Variants in TRIM64C observed in about 807,000 individuals in gnomAD.
The protein encoded by TRIM64C is tripartite motif-containing protein 64C.
Under a neutral mutation model 36.1 loss-of-function variants are expected in TRIM64C, and 25 were observed. The ratio of observed to expected loss-of-function variants is 0.69; its 90% CI spans 0.51 to 0.97. The LOEUF (loss-of-function observed/expected upper bound fraction) is 0.97, where lower values mean the gene tolerates loss of function less well. Among genes scored for constraint, TRIM64C ranks in the 50% least tolerant of loss-of-function variants. TRIM64C has a pLI of 0.00. For synonymous variants in TRIM64C, 212 were observed against 185.7 expected, an observed-to-expected ratio of 1.14 and a Z score of -1.15; for missense variants, 489 against 536.8, an observed-to-expected ratio of 0.91 and a Z score of 0.88.
Position 49,058,184 on chromosome 11 carries a change from A to G in TRIM64C, c.413-12T>C. On this transcript the variant is annotated splice_polypyrimidine_tract_variant and intron_variant, in intron 1 of 5. Coordinates refer to ENST00000617704, the MANE Select transcript of TRIM64C (RefSeq NM_001206631.1). ...CTTTATAAGTTTCTCTTGCAAAAGAAGCAAGAAGCTTAGCAATGATGAAGA... is the reference window on the plus strand; with the variant it reads ...CTTTATAAGTTTCTCTTGCAAAAGAGGCAAGAAGCTTAGCAATGATGAAGA... 1.4e-6 allele frequency: 2 copies of G among 1,478,344 alleles called. No individual in the cohort carries two copies. Among genetic ancestry groups the G allele is most frequent in the Non-Finnish European group, 1.8e-6 (2 of 1,099,760 alleles). 91.6% of individuals were successfully genotyped at this position (1,478,344 alleles called of 1,614,324 possible). A position where few individuals can be genotyped will look rare whatever the true frequency, so the allele number is the denominator to read the frequency against.
chr11:49,055,847 G>A (rs1030256545), intron 4 of TRIM64C, among the ~76,000 whole-genome samples: 6 of 152,160 alleles, frequency 3.9e-5, no homozygotes, highest in Non-Finnish European at 8.8e-5. Context: ...AAACAAAGGA[G>A]TCTAATTCCA....
At position 49,054,137 on chromosome 11, in the gene TRIM64C, T is replaced by C. The variant is rs550866886; in HGVS notation, c.930A>G (p.Ile310Met). The C allele has an allele frequency of 2.6e-6, 4 of 1,551,552 alleles. No individual in the cohort carries two copies. Among genetic ancestry groups the C allele is most frequent in the Non-Finnish European group, 3.5e-6 (4 of 1,146,842 alleles). Residue 310 changes from isoleucine to methionine, a missense_variant, in exon 6 of 6, where the codon ATA becomes ATG. Physicochemically the swap from Ile to Met is conservative, Grantham distance 10 (BLOSUM62 1). Coordinates refer to ENST00000617704, the MANE Select transcript of TRIM64C (RefSeq NM_001206631.1). ...GTGCACTGCGATGGTCATCTCCAAA[T>C]ATCACACGTCTCACATCCTCAGAAA... ...ISLSEDVRRVIFGDDHRSAPM... is the reference protein window; with the variant it reads ...ISLSEDVRRVMFGDDHRSAPM...
intron 1 of TRIM64C, 54 bp downstream of exon 1, chr11:49,058,647 C>G (rs1854842814): frequency 6.5e-7 from 1 of 1,534,276 alleles, no homozygotes; most frequent in African/African-American, 1.4e-5. Context: ...ATCACAGGCC[C>G]TCATCATTCT....
Position 49,056,301 on chromosome 11 carries a change from C to T in TRIM64C, c.761+58G>A, listed in dbSNP as rs1854813121. Reference sequence around the variant, plus strand: ...TTAGTACTCAAAATGTATACATCCCCTTCATTCACAAGAGAACAAATTTTT... The same window carrying T: ...TTAGTACTCAAAATGTATACATCCCTTTCATTCACAAGAGAACAAATTTTT... On this transcript the variant is annotated intron_variant, in intron 4 of 5. Coordinates refer to ENST00000617704, the MANE Select transcript of TRIM64C (RefSeq NM_001206631.1). 4 of 1,350,680 alleles carry T rather than the reference C, an allele frequency of 3.0e-6. No individual in the cohort carries two copies. The South Asian group carries it at 3.8e-5, about 13-fold the overall frequency. 83.7% of individuals were successfully genotyped at this position (1,350,680 alleles called of 1,614,324 possible).
Position 49,058,947 on chromosome 11 carries a change from T to G in TRIM64C, c.166A>C (p.Arg56=). Residue 56 remains arginine (R), a synonymous_variant, in exon 1 of 6, where the codon AGA becomes CGA. Transcript: ENST00000617704. ...AAGTTGGGCTTCTCTGAGATTTTTC[T>G]GCACAAAGGGCAGCGCATTGGTGCT... ...GRAPMRCPLC[R]KISEKPNFNT... 6.4e-7 allele frequency: 1 copy of G among 1,551,434 alleles called. No individual in the cohort carries two copies. Among genetic ancestry groups the G allele is most frequent in the Non-Finnish European group, 8.7e-7 (1 of 1,146,924 alleles).
intron 4 of TRIM64C, among the ~76,000 whole-genome samples, chr11:49,055,895 A>G (rs1260873180): frequency 5.9e-5 from 9 of 152,012 alleles, no homozygotes; most frequent in African/African-American, 2.2e-4. Flanking sequence ...CGAGGCAACC[A>G]TTTTCCTGAG....
chr11:49,058,278 T>A, intron 1 of TRIM64C, 106 bp from the exon 2 acceptor site: 1 of 820,800 alleles, frequency 1.2e-6, no homozygotes, highest in Non-Finnish European at 1.8e-6. Context: ...TAAGTTAGAG[T>A]GGAGTGGTCA....
In TRIM64C at chr11:49,054,222, AT is replaced by A; in HGVS notation, c.860-16del. The stretch of plus-strand genomic sequence containing the variant: ...AGCATTATCCACTGACAAGGAAAAA[AT>A]ATTATATTAGTGAGTGCTATGAGGG... On this transcript the variant is annotated splice_polypyrimidine_tract_variant and intron_variant, in intron 5 of 5. Transcript: ENST00000617704. The A allele has an allele frequency of 6.5e-7, 1 of 1,549,414 alleles. No homozygotes were observed. The highest frequency in any genetic ancestry group is 8.7e-7 in the Non-Finnish European group (1 of 1,145,748).
chr11:49,053,965 T>C lies in TRIM64C; in HGVS notation c.1102A>G (p.Ile368Val). ...AATGTTTTGTCAGAATCAATAACTA[T>C]ATTGGTATCTGCTGTCCTAGAATCT... is the stretch of plus-strand genomic sequence containing the variant. Reference protein sequence around the residue: ...CRDSRTADTNIVIDSDKTFFS... With the variant: ...CRDSRTADTNVVIDSDKTFFS... Residue 368 changes from isoleucine (I) to valine (V), a missense_variant, in exon 6 of 6, where the codon ATA becomes GTA. Coordinates refer to ENST00000617704, the MANE Select transcript of TRIM64C (RefSeq NM_001206631.1). 6.4e-7 allele frequency: 1 copy of C among 1,551,624 alleles called. No homozygotes were observed. Among genetic ancestry groups the C allele is most frequent in the Non-Finnish European group, 8.7e-7 (1 of 1,146,852 alleles).
At position 49,058,949 on chromosome 11, in the gene TRIM64C, C is replaced by A. The variant is rs1396799312; in HGVS notation, c.164G>T (p.Cys55Phe). The A allele has an allele frequency of 6.4e-7, 1 of 1,551,296 alleles. No homozygotes were observed. The highest frequency in any genetic ancestry group is 1.2e-5 in the South Asian group (1 of 84,050). ...EGRAPMRCPL[C>F]RKISEKPNFN... ...GTTGGGCTTCTCTGAGATTTTTCTG[C>A]ACAAAGGGCAGCGCATTGGTGCTCT... The change falls in exon 1 of 6, where the codon TGC becomes TTC. Residue 55 changes from cysteine to phenylalanine, a missense_variant. Coordinates refer to ENST00000617704, the MANE Select transcript of TRIM64C (RefSeq NM_001206631.1).
In TRIM64C at chr11:49,053,942, T is replaced by C. The variant is rs749399468; in HGVS notation, c.1125A>G (p.Thr375=). Residue 375 remains threonine (T), a synonymous_variant, in exon 6 of 6, where the codon ACA becomes ACG. Coordinates refer to ENST00000617704, the MANE Select transcript of TRIM64C (RefSeq NM_001206631.1). ...DTNIVIDSDK[T]FFSISSKTSN... is the part of the protein sequence containing the mutation. ...TCGTCTTTGAAGAAATTGAAAAAAA[T>C]GTTTTGTCAGAATCAATAACTATAT... 3 of 1,551,496 alleles carry C rather than the reference T, an allele frequency of 1.9e-6. No homozygotes were observed. Among genetic ancestry groups the C allele is most frequent in the South Asian group, 1.2e-5 (1 of 84,044 alleles).
intron 3 of TRIM64C, among the ~76,000 whole-genome samples, chr11:49,056,934 A>G (rs1207353580): frequency 6.6e-6 from 1 of 151,900 alleles, no homozygotes; most frequent in African/African-American, 2.4e-5. Flanking sequence ...TATTGAAGAG[A>G]ACTTTGTTAT....
rs1244215297 is a variant in TRIM64C at position 49,053,906 on chromosome 11, A to G, written c.1161T>C (p.Tyr387=). ...FSISSKTSNH[Y]SLSTNSPPLI... ...AAGGTGGAGAATTGGTGGAGAGACT[A>G]TAGTGATTGCTCGTCTTTGAAGAAA... The change falls in exon 6 of 6, where the codon TAT becomes TAC. Residue 387 remains tyrosine, a synonymous_variant. Transcript: ENST00000617704. The G allele has an allele frequency of 2.6e-6, 4 of 1,551,588 alleles. No homozygotes were observed. In the African/African-American group the frequency reaches 4.1e-5, roughly 16 times the overall value.
At chr11:49,057,459 C>T (rs1854826964) in intron 2 of TRIM64C, 81 bp from the exon 3 acceptor site, 7 of 1,399,730 alleles carry the variant, frequency 5.0e-6, no homozygotes, top group Admixed American at 2.1e-5. Context: ...TGGGTGTAAT[C>T]AAGCAATTTA....
rs1854851579 is a variant in TRIM64C, at chr11:49,059,040, G to A, written c.73C>T (p.Pro25Ser). ...CTGTGCACACAGTCAGTGGTGACCGGGTCTATGAAGTAGTTCACGCAAATG... is the reference window on the plus strand; with the variant it reads ...CTGTGCACACAGTCAGTGGTGACCGAGTCTATGAAGTAGTTCACGCAAATG... The part of the protein sequence containing the change: ...CCICVNYFID[P>S]VTTDCVHSFC... The change falls in exon 1 of 6, where the codon CCG becomes TCG. Residue 25 changes from proline to serine, a missense_variant. Physicochemically the swap from Pro to Ser is moderately conservative, Grantham distance 74. Coordinates refer to ENST00000617704, the MANE Select transcript of TRIM64C (RefSeq NM_001206631.1). 6.4e-7 allele frequency: 1 copy of A among 1,552,724 alleles called. No individual in the cohort carries two copies. Among genetic ancestry groups the A allele is most frequent in the Non-Finnish European group, 8.7e-7 (1 of 1,147,528 alleles).
chr11:49,058,770 A>G lies in TRIM64C; in HGVS notation c.343T>C (p.Ser115Pro). The G allele has an allele frequency of 6.5e-7, 1 of 1,548,536 alleles. No homozygotes were observed. Among genetic ancestry groups the G allele is most frequent in the Non-Finnish European group, 8.7e-7 (1 of 1,146,672 alleles). Residue 115 changes from serine (S) to proline (P), a missense_variant, in exon 1 of 6, where the codon TCT becomes CCT. Physicochemically the swap from Ser to Pro is moderately conservative, Grantham distance 74 (BLOSUM62 -1). Transcript: ENST00000617704. ...TGAGCCATGTGCTCTGGTGACTCAG[A>G]GCAGGGCCCACAGAGCAATCTCTTG... ...ADKRLLCGPC[S>P]ESPEHMAHSH... is the part of the protein sequence containing the mutation.
chr11:49,055,230 A>C, intron 5 of TRIM64C, 80 bp downstream of exon 5: 1 of 1,514,762 alleles, frequency 6.6e-7, no homozygotes, highest in Non-Finnish European at 8.8e-7. Context: ...AACTAATAAA[A>C]CGTAAATGGG....
chr11:49,054,062 T>C lies in TRIM64C; in HGVS notation c.1005A>G (p.Ala335=). 6.4e-7 allele frequency: 1 copy of C among 1,551,552 alleles called. No individual in the cohort carries two copies. The part of the protein sequence containing the change: ...VESFAVWCAQ[A]FTSGKHYWEV... Reference sequence around the variant, plus strand: ...CCCAGTAATGCTTGCCGGAGGTGAATGCTTGCGCACACCACACAGCAAAGC... The same window carrying C: ...CCCAGTAATGCTTGCCGGAGGTGAACGCTTGCGCACACCACACAGCAAAGC... The change falls in exon 6 of 6, where the codon GCA becomes GCG. Residue 335 remains alanine, a synonymous_variant. Coordinates refer to ENST00000617704, the MANE Select transcript of TRIM64C (RefSeq NM_001206631.1).
At position 49,059,018 on chromosome 11, in the gene TRIM64C, T is replaced by C; in HGVS notation, c.95A>G (p.His32Arg). 1 of 1,551,968 alleles carries C rather than the reference T, an allele frequency of 6.4e-7. No homozygotes were observed. Among genetic ancestry groups the C allele is most frequent in the Non-Finnish European group, 8.7e-7 (1 of 1,147,276 alleles). The change falls in exon 1 of 6, where the codon CAC becomes CGC. Residue 32 changes from histidine to arginine, a missense_variant. His to Arg is a conservative substitution (Grantham distance 29, BLOSUM62 0). Coordinates refer to ENST00000617704, the MANE Select transcript of TRIM64C (RefSeq NM_001206631.1). ...FIDPVTTDCV[H>R]SFCRPCLCLC... ...GCAGAGGCAGGGCCTGCAAAAGCTG[T>C]GCACACAGTCAGTGGTGACCGGGTC...
Sources: gnomAD v4.1 joint callset for allele counts (sites outside exome capture counted in the v4.1 genomes callset) on GRCh38, gnomAD v4.1.1 for gene constraint, MANE v1.5 for transcripts, NCBI Gene and HGNC (gene_info 2026-07-23, HGNC 2026-07-21) for gene names.